The following CPNE8 variants were observed in gnomAD, a reference collection of about 807,000 sequenced individuals.
CPNE8 encodes copine-8.
In CPNE8, 45 loss-of-function variants were observed where a neutral mutation model predicts 81.5. The observed-to-expected ratio is 0.55, with a 90% CI of 0.44 to 0.71. CPNE8 has a LOEUF of 0.71. Among genes scored for constraint, CPNE8 ranks in the 30% least tolerant of loss-of-function variants. The pLI is 0.00. For synonymous variants in CPNE8, 252 were observed against 226.3 expected (o/e 1.11, Z -1.02); for missense variants, 594 against 672.1 (o/e 0.88, Z 1.28).
intron 14 of CPNE8, among the ~76,000 whole-genome samples, chr12:38,697,280 T>C (rs1939820404): frequency 6.6e-6 from 1 of 152,202 alleles, no homozygotes; most frequent in Non-Finnish European, 1.5e-5. Flanking sequence ...TGTGATCTTT[T>C]GTAACTAGCT....
intron 3 of CPNE8, among the ~76,000 whole-genome samples, chr12:38,854,931 G>T (rs548861750): frequency 6.6e-6 from 1 of 152,000 alleles, no homozygotes; most frequent in Admixed American, 6.6e-5. Context: ...GAAATAAAAG[G>T]CATGCAAATT....
intron 4 of CPNE8, 96 bp from the exon 5 acceptor site, chr12:38,840,051 A>C (rs1943443707): frequency 1.7e-6 from 2 of 1,192,096 alleles, no homozygotes; most frequent in Non-Finnish European, 2.3e-6. Context: ...TATAAAAATG[A>C]ATCCAAAATA....
At chr12:38,812,081 A>G (rs1280573786) in intron 6 of CPNE8, among the ~76,000 whole-genome samples, 1 of 152,214 alleles carries the variant, frequency 6.6e-6, no homozygotes, top group Non-Finnish European at 1.5e-5. Flanking sequence ...GACAAAGTCA[A>G]TAGAAGAACA....
rs1943990420 is a variant in CPNE8, at chr12:38,871,451, T to G, written c.186+1553A>C. The stretch of plus-strand genomic sequence containing the variant: ...CCGTTCCACTGTATTGTTTCAGGCC[T>G]TTGAGAAAGGGAACTCTGGAGAGAA... On this transcript the variant is annotated intron_variant, in intron 3 of 19. Transcript: ENST00000331366. 2.0e-5 allele frequency among the ~76,000 whole-genome samples: 3 copies of G among 152,264 alleles called. No individual in the cohort carries two copies. In the East Asian group the frequency reaches 5.8e-4, roughly 29 times the overall value.
chr12:38,654,170 A>G (rs1938767224), intron 19 of CPNE8, 100 bp from the exon 20 acceptor site: 2 of 1,374,724 alleles, frequency 1.5e-6, no homozygotes, highest in Non-Finnish European at 1.9e-6. Context: ...TAGGAAAATC[A>G]GGGAATCTGA....
At chr12:38,888,808 G>T (rs559290231) in intron 1 of CPNE8, among the ~76,000 whole-genome samples, 7 of 152,116 alleles carry the variant, frequency 4.6e-5, no homozygotes, top group Non-Finnish European at 8.8e-5. Flanking sequence ...CAATTGCTTC[G>T]CTATGTCTCC....
chr12:38,805,922 T>G (rs1230643909), intron 6 of CPNE8, among the ~76,000 whole-genome samples: 1 of 149,354 alleles, frequency 6.7e-6, no homozygotes, highest in Non-Finnish European at 1.5e-5. Context: ...AAAGGGGATA[T>G]CACCACCGAT....
At chr12:38,750,794 A>G (rs916382999) in intron 10 of CPNE8, among the ~76,000 whole-genome samples, 10 of 152,170 alleles carry the variant, frequency 6.6e-5, no homozygotes, top group Admixed American at 5.9e-4. Context: ...CTTTTGAGTT[A>G]ATGCTGAAAT....
chr12:38,744,418 G>A (rs897815972), intron 10 of CPNE8, among the ~76,000 whole-genome samples: 1 of 151,986 alleles, frequency 6.6e-6, no homozygotes, highest in African/African-American at 2.4e-5. Flanking sequence ...CCATTATATC[G>A]ACCTCTATTC....
At position 38,865,374 on chromosome 12, in the gene CPNE8, C is replaced by T. The variant is rs149349197; in HGVS notation, c.186+7630G>A. Among the ~76,000 whole-genome samples the T allele has an allele frequency of 5.3e-5, 8 of 152,248 alleles. No homozygotes were observed. In the East Asian group the frequency reaches 1.5e-3, roughly 29 times the overall value. ...GATATTAATATTCAGTAACTGGGAACAAGCCAAAAATCTGTCCAAAGTAGA... is the reference window on the plus strand; with the variant it reads ...GATATTAATATTCAGTAACTGGGAATAAGCCAAAAATCTGTCCAAAGTAGA... On this transcript the variant is annotated intron_variant, in intron 3 of 19. Coordinates refer to ENST00000331366, the MANE Select transcript of CPNE8 (RefSeq NM_153634.3).
At chr12:38,875,119 T>C (rs1221169187) in intron 1 of CPNE8, among the ~76,000 whole-genome samples, 4 of 152,188 alleles carry the variant, frequency 2.6e-5, no homozygotes, top group Non-Finnish European at 4.4e-5. Flanking sequence ...TACTTTTTTT[T>C]CCAGATATTT....
chr12:38,792,544 C>A (rs1942351462), intron 6 of CPNE8, among the ~76,000 whole-genome samples: 1 of 151,478 alleles, frequency 6.6e-6, no homozygotes, highest in South Asian at 2.1e-4. Flanking sequence ...AATAGAAAAT[C>A]TAAATAGACC....
chr12:38,741,370 T>A (rs1305578659), intron 10 of CPNE8, among the ~76,000 whole-genome samples: 1 of 152,066 alleles, frequency 6.6e-6, no homozygotes, highest in Non-Finnish European at 1.5e-5. Flanking sequence ...CCCTCAGAAT[T>A]AATACCACAC....
chr12:38,889,090 T>C (rs1178597219), intron 1 of CPNE8, among the ~76,000 whole-genome samples: 1 of 152,240 alleles, frequency 6.6e-6, no homozygotes. Context: ...CTGACACTCA[T>C]TCAAATGTTG....
intron 6 of CPNE8, among the ~76,000 whole-genome samples, chr12:38,781,910 C>A (rs1044009360): frequency 6.6e-6 from 1 of 152,146 alleles, no homozygotes; most frequent in South Asian, 2.1e-4. Flanking sequence ...CTATCAAGGT[C>A]ATACAAAACA....
At chr12:38,884,770 T>C (rs1944215090) in intron 1 of CPNE8, among the ~76,000 whole-genome samples, 1 of 152,160 alleles carries the variant, frequency 6.6e-6, no homozygotes, top group Non-Finnish European at 1.5e-5. Context: ...ACACGTTTTA[T>C]CAGTTTGGTT....
intron 10 of CPNE8, among the ~76,000 whole-genome samples, chr12:38,760,107 C>T (rs1248773840): frequency 6.6e-6 from 1 of 152,096 alleles, no homozygotes; most frequent in East Asian, 1.9e-4. Context: ...TTAAAAGTAA[C>T]CTTTGCTTTC....
chr12:38,763,947 T>C (rs1253245605), intron 8 of CPNE8, among the ~76,000 whole-genome samples: 1 of 152,150 alleles, frequency 6.6e-6, no homozygotes, highest in African/African-American at 2.4e-5. Flanking sequence ...GATTTGTTTC[T>C]ATTAAGAGAT....
intron 10 of CPNE8, among the ~76,000 whole-genome samples, chr12:38,752,687 C>A (rs1394136032): frequency 6.6e-6 from 1 of 152,136 alleles, no homozygotes; most frequent in Non-Finnish European, 1.5e-5. Context: ...TCAATCTGTT[C>A]TTGGTAAACG....
Sources: gnomAD v4.1 joint callset for allele counts (sites outside exome capture counted in the v4.1 genomes callset) on GRCh38, gnomAD v4.1.1 for gene constraint, MANE v1.5 for transcripts, NCBI Gene and HGNC (gene_info 2026-07-23, HGNC 2026-07-21) for gene names.